Variants in PCDHA12 observed in about 807,000 individuals in gnomAD.
PCDHA12 encodes protocadherin alpha-12.
Under a neutral mutation model 60.0 loss-of-function variants are expected in PCDHA12, and 44 were observed. That is an observed-to-expected ratio of 0.73 (90% CI 0.58 to 0.94). PCDHA12 has a LOEUF of 0.94. PCDHA12 is among the 40% of genes least tolerant of loss of function. The pLI, the probability that PCDHA12 is intolerant of heterozygous loss-of-function variation, is 0.00. For synonymous variants in PCDHA12, 569 were observed against 553.0 expected (o/e 1.03, Z -0.40); for missense variants, 1,276 against 1,239.7 (o/e 1.03, Z -0.44).
At chr5:140,966,874 A>C (rs782520756) in intron 1 of PCDHA12, 275 of 1,584,454 alleles carry the variant, frequency 1.7e-4, no homozygotes, top group Non-Finnish European at 2.3e-4. Flanking sequence ...TGCTGCTGCT[A>C]CCTGGCCCTG....
chr5:140,884,059 G>A, intron 1 of PCDHA12: 4 of 1,613,546 alleles, frequency 2.5e-6, no homozygotes, highest in Non-Finnish European at 3.4e-6. Context: ...TGCGCGCGGT[G>A]GACGCCGATT....
intron 3 of PCDHA12, among the ~76,000 whole-genome samples, chr5:140,993,009 G>C (rs1228975075): frequency 3.9e-5 from 6 of 152,172 alleles, no homozygotes; most frequent in Non-Finnish European, 8.8e-5. Flanking sequence ...CCTCCCCAGA[G>C]TCCAGCATCC....
At chr5:140,986,437 G>A (rs1554248053) in intron 3 of PCDHA12, among the ~76,000 whole-genome samples, 2 of 152,182 alleles carry the variant, frequency 1.3e-5, no homozygotes, top group Admixed American at 6.5e-5. Flanking sequence ...GAGTACTAAT[G>A]CCCTGAAGAG....
At chr5:140,972,660 A>ATTTTTT (rs11350929) in intron 1 of PCDHA12, among the ~76,000 whole-genome samples, 2 of 117,268 alleles carry the variant, frequency 1.7e-5, no homozygotes, top group African/African-American at 3.3e-5. Context: ...AAGAAACCAA[A>ATTTTTT]TTTTTTTTTT....
At position 140,876,062 on chromosome 5, in the gene PCDHA12, G is replaced by C; in HGVS notation, c.590G>C (p.Arg197Pro). 1 of 1,613,842 alleles carries C rather than the reference G, an allele frequency of 6.2e-7. No homozygotes were observed. The highest frequency in any genetic ancestry group is 1.1e-5 in the South Asian group (1 of 91,068). The change falls in exon 1 of 4, where the codon CGG becomes CCG. Residue 197 changes from arginine (R) to proline (P), a missense_variant. Coordinates refer to ENST00000398631, the MANE Select transcript of PCDHA12 (RefSeq NM_018903.4). Reference sequence around the variant, plus strand: ...AGTATATTGCCTGAATTAGTTCTTCGGAAGTTATTGGACAGAGAGCAAACG... The same window carrying C: ...AGTATATTGCCTGAATTAGTTCTTCCGAAGTTATTGGACAGAGAGCAAACG... ...DKSILPELVL[R>P]KLLDREQTPK...
chr5:140,944,317 A>G (rs2093641596), intron 1 of PCDHA12, among the ~76,000 whole-genome samples: 2 of 152,090 alleles, frequency 1.3e-5, no homozygotes. Flanking sequence ...CCTCCTGAGT[A>G]GCTGGGATTA....
intron 1 of PCDHA12, among the ~76,000 whole-genome samples, chr5:140,888,038 T>C (rs1195921370): frequency 3.3e-5 from 5 of 152,238 alleles, no homozygotes; most frequent in Non-Finnish European, 7.3e-5. Context: ...TATTAGTACA[T>C]GTATAATAGA....
chr5:140,972,316 GT>G (rs112435719), intron 1 of PCDHA12, among the ~76,000 whole-genome samples: 1,932 of 139,568 alleles, frequency 0.014, 18 homozygotes, highest in African/African-American at 0.036. Context: ...GTTTTTAGGT[GT>G]TTTTTTTTTT....
intron 3 of PCDHA12, among the ~76,000 whole-genome samples, chr5:140,991,912 A>G (rs1022060256): frequency 1.3e-5 from 2 of 152,150 alleles, no homozygotes; most frequent in Non-Finnish European, 2.9e-5. Context: ...CCCTTTTGCC[A>G]TGTAACATAA....
At chr5:140,922,391 G>T (rs1354789717) in intron 1 of PCDHA12, among the ~76,000 whole-genome samples, 1 of 152,182 alleles carries the variant, frequency 6.6e-6, no homozygotes, top group Non-Finnish European at 1.5e-5. Context: ...AAGACTCCTT[G>T]TTTTGGATTA....
chr5:140,935,765 A>G (rs1554210670), intron 1 of PCDHA12, among the ~76,000 whole-genome samples: 1 of 152,080 alleles, frequency 6.6e-6, no homozygotes, highest in Non-Finnish European at 1.5e-5. Flanking sequence ...ATTCTTCCCC[A>G]CTTTGAGTTT....
Position 141,011,440 on chromosome 5 carries a change from T to G in PCDHA12, c.*1503T>G, listed in dbSNP as rs2098420601. 1 of 153,808 alleles carries G rather than the reference T, an allele frequency of 6.5e-6. No individual in the cohort carries two copies. Among genetic ancestry groups the G allele is most frequent in the Admixed American group, 6.5e-5 (1 of 15,282 alleles). 9.5% of individuals were successfully genotyped at this position (153,808 alleles called of 1,614,324 possible). A position where few individuals can be genotyped will look rare whatever the true frequency, so the allele number is the denominator to read the frequency against. Reference sequence around the variant, plus strand: ...ATGTTAATGCAACTATTACCTAGAGTGAACTTTAAGCTTTATTGTTGAATG... The same window carrying G: ...ATGTTAATGCAACTATTACCTAGAGGGAACTTTAAGCTTTATTGTTGAATG... On this transcript the variant is annotated 3_prime_UTR_variant, in exon 4 of 4. Transcript: ENST00000398631.
At chr5:140,966,687 G>A in intron 1 of PCDHA12, 1 of 1,340,546 alleles carries the variant, frequency 7.5e-7, no homozygotes, top group East Asian at 2.9e-5. Flanking sequence ...ACGAGCGGAG[G>A]CGGGGCCCGG....
chr5:140,954,523 G>A (rs1368260807), intron 1 of PCDHA12, among the ~76,000 whole-genome samples: 4 of 152,186 alleles, frequency 2.6e-5, no homozygotes, highest in African/African-American at 9.6e-5. Flanking sequence ...AATGATCAGT[G>A]ATGTTGAGGT....
chr5:140,942,410 A>T (rs1047414912), intron 1 of PCDHA12, among the ~76,000 whole-genome samples: 3 of 142,238 alleles, frequency 2.1e-5, no homozygotes, highest in Non-Finnish European at 3.1e-5. Context: ...GACTCTGTTT[A>T]AAAAAAAAAA....
intron 1 of PCDHA12, among the ~76,000 whole-genome samples, chr5:140,942,620 A>C (rs1304224304): frequency 3.5e-5 from 1 of 28,710 alleles, no homozygotes; most frequent in African/African-American, 2.6e-4. Context: ...TGCCAATTGT[A>C]AAAAAAAAAA....
chr5:140,965,975 T>TGA (rs1554227957), intron 1 of PCDHA12, among the ~76,000 whole-genome samples: 1 of 152,180 alleles, frequency 6.6e-6, no homozygotes, highest in Non-Finnish European at 1.5e-5. Flanking sequence ...CCCTAGGAGT[T>TGA]GAGCACTTTC....
rs1344675374 is a variant in PCDHA12 at position 140,952,992 on chromosome 5, ACT to A, written c.2368-25951_2368-25950del. Among the ~76,000 whole-genome samples, 6 of 151,892 alleles carry A rather than the reference ACT, an allele frequency of 4.0e-5. No individual in the cohort carries two copies. In the East Asian group the frequency reaches 7.7e-4, roughly 20 times the overall value. On this transcript the variant is annotated intron_variant, in intron 1 of 3. Transcript: ENST00000398631. ...TTTTAAACAACAAGATCTCATGAGAACTCTCTCACTATTATGAGAACAACATT... is the reference window on the plus strand; with the variant it reads ...TTTTAAACAACAAGATCTCATGAGAACTCTCACTATTATGAGAACAACATT...
intron 1 of PCDHA12, among the ~76,000 whole-genome samples, chr5:140,888,393 C>T (rs1554183447): frequency 1.3e-5 from 2 of 152,156 alleles, no homozygotes; most frequent in African/African-American, 4.8e-5. Context: ...CTGCTAAACA[C>T]CATCCAATTG....
Sources: allele counts gnomAD v4.1 joint callset (sites outside exome capture counted in the v4.1 genomes callset), GRCh38; gene constraint gnomAD v4.1.1; transcripts MANE v1.5; gene names NCBI Gene and HGNC (gene_info 2026-07-23, HGNC 2026-07-21).